MED27: variants seen among roughly 807,000 people sequenced by gnomAD.
MED27 encodes the protein mediator complex subunit 27, also known as mediator of RNA polymerase II transcription subunit 27.
A neutral mutation model predicts 38.2 loss-of-function variants in MED27; 30 were observed. That is an observed-to-expected ratio of 0.79 (90% CI 0.59 to 1.07). The LOEUF (loss-of-function observed/expected upper bound fraction) is 1.07, where lower values mean the gene tolerates loss of function less well. MED27 is among the 50% of genes least tolerant of loss of function. The pLI is 0.00. For missense variants in MED27, 289 were observed against 397.5 expected, an observed-to-expected ratio of 0.73 and a Z score of 2.32; for synonymous variants, 122 against 153.5, an observed-to-expected ratio of 0.79 and a Z score of 1.52.
At chr9:132,029,825 G>A (rs1018600418) in intron 2 of MED27, among the ~76,000 whole-genome samples, 1 of 150,870 alleles carries the variant, frequency 6.6e-6, no homozygotes, top group African/African-American at 2.4e-5. Flanking sequence ...ATAGGCCTGT[G>A]AGCTGCATTT....
At chr9:132,049,154 C>T (rs1250933518) in intron 2 of MED27, among the ~76,000 whole-genome samples, 1 of 152,202 alleles carries the variant, frequency 6.6e-6, no homozygotes, top group Non-Finnish European at 1.5e-5. Context: ...GCCTAACCAC[C>T]TCATTGTGCA....
intron 4 of MED27, among the ~76,000 whole-genome samples, chr9:131,902,469 G>A (rs1218427328): frequency 6.6e-6 from 1 of 152,164 alleles, no homozygotes; most frequent in Non-Finnish European, 1.5e-5. Flanking sequence ...AAACTGTCAT[G>A]CCAAGGAAGA....
chr9:132,015,143 C>G (rs1294182600), intron 2 of MED27, among the ~76,000 whole-genome samples: 1 of 152,214 alleles, frequency 6.6e-6, no homozygotes, highest in Non-Finnish European at 1.5e-5. Flanking sequence ...ACTGAGCTAT[C>G]TTTTCAATGG....
chr9:131,896,701 C>T lies in MED27; in HGVS notation c.574-2709G>A, dbSNP rs527933372. Among the ~76,000 whole-genome samples the T allele has an allele frequency of 3.3e-5, 5 of 152,056 alleles. No individual in the cohort carries two copies. The South Asian group carries it at 1.0e-3, about 32-fold the overall frequency. Reference sequence around the variant, plus strand: ...CTTATGGTTTTTGAATTTCTAACATCGTTATAATGAAACTATATATATATA... The same window carrying T: ...CTTATGGTTTTTGAATTTCTAACATTGTTATAATGAAACTATATATATATA... On this transcript the variant is annotated intron_variant, in intron 4 of 7. Transcript: ENST00000292035.
intron 2 of MED27, among the ~76,000 whole-genome samples, chr9:132,075,943 G>A (rs1834037380): frequency 6.6e-6 from 1 of 152,158 alleles, no homozygotes; most frequent in East Asian, 1.9e-4. Flanking sequence ...CTGTGTTTCA[G>A]GTGCTCTGAG....
rs1337029520 is a variant in MED27 at position 132,051,949 on chromosome 9, A to C, written c.348+25493T>G. 6.6e-6 allele frequency among the ~76,000 whole-genome samples: 1 copy of C among 152,262 alleles called. No individual in the cohort carries two copies. Among genetic ancestry groups the C allele is most frequent in the Non-Finnish European group, 1.5e-5 (1 of 68,050 alleles). Reference sequence around the variant, plus strand: ...GTTTAGCTTATAATAGTTGATCAAAAGATGAATAAAACAAAACAACTGTGT... The same window carrying C: ...GTTTAGCTTATAATAGTTGATCAAACGATGAATAAAACAAAACAACTGTGT... On this transcript the variant is annotated intron_variant, in intron 2 of 7. Coordinates refer to ENST00000292035, the MANE Select transcript of MED27 (RefSeq NM_004269.4). The surrounding 1 kb of genome is among the most constrained non-coding windows in gnomAD (Gnocchi z 4.2).
intron 3 of MED27, among the ~76,000 whole-genome samples, chr9:131,999,702 A>G (rs1012281241): frequency 1.3e-5 from 2 of 152,246 alleles, no homozygotes; most frequent in Non-Finnish European, 2.9e-5. Flanking sequence ...TCTAGACTTC[A>G]GTGCTTCAAA....
intron 3 of MED27, among the ~76,000 whole-genome samples, chr9:131,992,545 G>T: frequency 6.6e-6 from 1 of 152,090 alleles, no homozygotes; most frequent in South Asian, 2.1e-4. Context: ...CTATAGGCAC[G>T]TGCCACCACA....
At chr9:132,045,322 G>T (rs1833306331) in intron 2 of MED27, among the ~76,000 whole-genome samples, 1 of 151,594 alleles carries the variant, frequency 6.6e-6, no homozygotes, top group South Asian at 2.1e-4. Context: ...TCATATAATA[G>T]AATGTTGTAT....
At chr9:131,920,090 C>T (rs568064399) in intron 4 of MED27, among the ~76,000 whole-genome samples, 41 of 152,250 alleles carry the variant, frequency 2.7e-4, no homozygotes, top group Non-Finnish European at 4.4e-4. Flanking sequence ...GGATTATAGA[C>T]GTGAGCCATC....
intron 4 of MED27, among the ~76,000 whole-genome samples, chr9:131,923,375 C>T (rs1830430716): frequency 6.6e-6 from 1 of 152,196 alleles, no homozygotes; most frequent in Non-Finnish European, 1.5e-5. Context: ...TTCAGAATCA[C>T]TAATCCAAAC....
At chr9:132,052,131 G>C (rs1180233870) in intron 2 of MED27, among the ~76,000 whole-genome samples, 4 of 152,100 alleles carry the variant, frequency 2.6e-5, no homozygotes, top group African/African-American at 9.7e-5. Context: ...GAACACCAAG[G>C]GGGAAAACGG....
intron 4 of MED27, among the ~76,000 whole-genome samples, chr9:131,934,538 T>C (rs1320335881): frequency 1.3e-5 from 2 of 152,134 alleles, no homozygotes; most frequent in East Asian, 3.8e-4. Flanking sequence ...TAAAATAGCT[T>C]TTATCCAAAG....
At chr9:132,063,142 A>C (rs1443039033) in intron 2 of MED27, among the ~76,000 whole-genome samples, 1 of 152,220 alleles carries the variant, frequency 6.6e-6, no homozygotes, top group Non-Finnish European at 1.5e-5. Context: ...AGATGCAGTC[A>C]CTAGGAAGTG....
intron 2 of MED27, among the ~76,000 whole-genome samples, chr9:132,036,871 A>G (rs1225785453): frequency 2.6e-5 from 4 of 152,186 alleles, no homozygotes; most frequent in Admixed American, 1.3e-4. Flanking sequence ...CAAATGCCAC[A>G]AAGGAAAGTC....
intron 4 of MED27, among the ~76,000 whole-genome samples, chr9:131,936,894 G>A (rs944220096): frequency 6.6e-6 from 1 of 152,220 alleles, no homozygotes; most frequent in Non-Finnish European, 1.5e-5. Context: ...GCCGAGGGAG[G>A]TAAAGGAAGG....
intron 6 of MED27, among the ~76,000 whole-genome samples, chr9:131,864,941 G>A (rs1209100739): frequency 6.6e-6 from 1 of 152,246 alleles, no homozygotes; most frequent in Non-Finnish European, 1.5e-5. Context: ...CTCCTCTTCT[G>A]CTCTGCCTGG....
chr9:131,861,811 C>T lies in MED27; in HGVS notation c.802-1139G>A, dbSNP rs910153820. Among the ~76,000 whole-genome samples the T allele has an allele frequency of 6.7e-6, 1 of 150,130 alleles. No homozygotes were observed. Among genetic ancestry groups the T allele is most frequent in the Non-Finnish European group, 1.5e-5 (1 of 67,916 alleles). On this transcript the variant is annotated intron_variant, in intron 7 of 7. Transcript: ENST00000292035. This position sits in a 1 kb window ranked among gnomAD's most constrained non-coding sequence, Gnocchi z 4.4. ...TTTATGAGACCACATCTCGCTCTGA[C>T]ACCCAGGCTGGAGCGCAGTGGTGCA...
At chr9:132,024,712 T>C (rs1406111703) in intron 2 of MED27, among the ~76,000 whole-genome samples, 1 of 152,156 alleles carries the variant, frequency 6.6e-6, no homozygotes. Context: ...CATCATCAAA[T>C]CCTAAGGACA....
Sources: allele counts gnomAD v4.1 joint callset (sites outside exome capture counted in the v4.1 genomes callset), GRCh38; gene constraint gnomAD v4.1.1; non-coding constraint Gnocchi (gnomAD v3.1); transcripts MANE v1.5; gene names NCBI Gene and HGNC (gene_info 2026-07-23, HGNC 2026-07-21).